Variants in NPSR1 observed in about 807,000 individuals in gnomAD.
The protein encoded by NPSR1 is neuropeptide S receptor 1, also known as neuropeptide S receptor.
A neutral mutation model predicts 46.9 loss-of-function variants in NPSR1; 48 were observed. The ratio of observed to expected loss-of-function variants is 1.02; its 90% CI spans 0.81 to 1.30. NPSR1 has a LOEUF of 1.30. NPSR1 is among the 50% of genes most tolerant of loss of function. The pLI, the probability that NPSR1 is intolerant of heterozygous loss-of-function variation, is 0.00. For synonymous variants in NPSR1, 176 were observed against 168.1 expected (o/e 1.05, Z -0.36); for missense variants, 450 against 449.5 (o/e 1.00, Z -0.01).
chr7:34,874,065 CCAGAGAAGTGAGTAAATTTCCCAACAAG>C (rs1791522305), intron 8 of NPSR1, among the ~76,000 whole-genome samples: 1 of 151,346 alleles, frequency 6.6e-6, no homozygotes, highest in Non-Finnish European at 1.5e-5. Context: ...AGACTGAGGC[CCAGAGAAGTGAGTAAATTTCCCAACAAG>C]CAGAAAGTTG....
chr7:34,739,795 C>T lies in NPSR1; in HGVS notation c.281-38667C>T, dbSNP rs547191938. 2.0e-4 allele frequency among the ~76,000 whole-genome samples: 31 copies of T among 152,284 alleles called. No homozygotes were observed. In the South Asian group the frequency reaches 6.4e-3, roughly 32 times the overall value. On this transcript the variant is annotated intron_variant, in intron 2 of 8. Transcript: ENST00000360581. Reference sequence around the variant, plus strand: ...TCTCAGCCATGGATACTAGCACCTGCTCTGGTGCAGGTGGCAGGGGGGTGA... The same window carrying T: ...TCTCAGCCATGGATACTAGCACCTGTTCTGGTGCAGGTGGCAGGGGGGTGA...
rs115254419 is a variant in NPSR1, at chr7:34,873,517, C to T, written c.1026-4559C>T. Among the ~76,000 whole-genome samples the T allele has an allele frequency of 5.8e-3, 877 of 151,812 alleles. 35 individuals carry two copies. The highest frequency in any genetic ancestry group is 0.02 in the African/African-American group (829 of 41,114). ...CCACCTCTGGGGAGGCCTCAGGGAG[C>T]TTACACCATGGTGAAAGGTGAAGGA... On this transcript the variant is annotated intron_variant, in intron 8 of 8. Transcript: ENST00000359791.
chr7:34,714,649 G>T (rs1783477239), intron 2 of NPSR1, among the ~76,000 whole-genome samples: 1 of 152,200 alleles, frequency 6.6e-6, no homozygotes, highest in Admixed American at 6.5e-5. Context: ...GAGCTGGACT[G>T]TGAGCTCCAA....
At chr7:34,692,321 A>C (rs1250754855) in intron 2 of NPSR1, among the ~76,000 whole-genome samples, 1 of 152,168 alleles carries the variant, frequency 6.6e-6, no homozygotes, top group East Asian at 1.9e-4. Context: ...ATTCTCAATA[A>C]ATTAAAAAAA....
At chr7:34,784,580 G>C (rs2128739909) in intron 3 of NPSR1, among the ~76,000 whole-genome samples, 1 of 152,228 alleles carries the variant, frequency 6.6e-6, no homozygotes, top group South Asian at 2.1e-4. Flanking sequence ...GCTGGATTCG[G>C]TTTGCCAGTA....
chr7:34,798,532 C>A (rs1356731284), intron 3 of NPSR1, among the ~76,000 whole-genome samples: 1 of 151,908 alleles, frequency 6.6e-6, no homozygotes, highest in Admixed American at 6.6e-5. Flanking sequence ...GAGACTCTGT[C>A]TAAGAAAAAG....
intron 3 of NPSR1, among the ~76,000 whole-genome samples, chr7:34,802,297 A>G (rs376694159): frequency 3.3e-5 from 5 of 150,252 alleles, no homozygotes; most frequent in Non-Finnish European, 5.9e-5. Flanking sequence ...GAGGCATCAC[A>G]CTACCTGACT....
At chr7:34,784,466 G>T (rs1323313163) in intron 3 of NPSR1, among the ~76,000 whole-genome samples, 1 of 151,520 alleles carries the variant, frequency 6.6e-6, no homozygotes, top group East Asian at 1.9e-4. Context: ...CTTTGGTTCT[G>T]TTTATATGCT....
At chr7:34,843,077 T>G (rs936295069) in intron 6 of NPSR1, among the ~76,000 whole-genome samples, 15 of 152,226 alleles carry the variant, frequency 9.9e-5, no homozygotes, top group African/African-American at 3.6e-4. Flanking sequence ...GTTCACTTGA[T>G]GCTCTCTGCA....
intron 4 of NPSR1, among the ~76,000 whole-genome samples, chr7:34,826,907 G>T (rs1191989188): frequency 6.9e-6 from 1 of 145,110 alleles, no homozygotes; most frequent in Admixed American, 6.8e-5. Context: ...AAAAAAGAAA[G>T]AAGTTTCCTT....
chr7:34,795,526 A>T (rs1206914130), intron 3 of NPSR1, among the ~76,000 whole-genome samples: 1 of 152,132 alleles, frequency 6.6e-6, no homozygotes. Flanking sequence ...ATTAACCAAA[A>T]AAACTCTCCC....
intron 2 of NPSR1, among the ~76,000 whole-genome samples, chr7:34,736,907 A>T (rs1362611951): frequency 6.6e-6 from 1 of 152,200 alleles, no homozygotes; most frequent in Non-Finnish European, 1.5e-5. Flanking sequence ...AAAAATTATC[A>T]TTAGAATTTT....
rs1583984900 is a variant in NPSR1 at position 34,770,836 on chromosome 7, A to G, written c.281-7626A>G. ...GGGAAGTCTAAGGTCCAGGTGCCAG[A>G]AAGTTCAGTGTCTGGTTAGGTCATT... is the stretch of plus-strand genomic sequence containing the variant. On this transcript the variant is annotated intron_variant, in intron 2 of 8. Transcript: ENST00000360581. 3.9e-5 allele frequency among the ~76,000 whole-genome samples: 6 copies of G among 152,298 alleles called. No homozygotes were observed. The South Asian group carries it at 1.0e-3, about 26-fold the overall frequency.
In NPSR1 at chr7:34,689,807, T is replaced by C. The variant is rs1464483295; in HGVS notation, c.280+5123T>C. 3.3e-5 allele frequency among the ~76,000 whole-genome samples: 5 copies of C among 151,344 alleles called. No homozygotes were observed. The East Asian group carries it at 9.7e-4, about 29-fold the overall frequency. ...AAAAATTTTTAAAATTAGCCAGGCATGGTGATGCACACCTGTAGTCCCAGT... is the reference window on the plus strand; with the variant it reads ...AAAAATTTTTAAAATTAGCCAGGCACGGTGATGCACACCTGTAGTCCCAGT... On this transcript the variant is annotated intron_variant, in intron 2 of 8. Coordinates refer to ENST00000360581, the MANE Select transcript of NPSR1 (RefSeq NM_207172.2).
downstream of NPSR1, among the ~76,000 whole-genome samples, chr7:34,853,979 A>C (rs1790997971): frequency 1.3e-5 from 2 of 151,406 alleles, no homozygotes; most frequent in Admixed American, 6.6e-5. Flanking sequence ...AAAAAAAAAA[A>C]CAAAAAACAA....
At position 34,789,490 on chromosome 7, in the gene NPSR1, G is replaced by A. The variant is rs141340799; in HGVS notation, c.384+10925G>A. Among the ~76,000 whole-genome samples the A allele has an allele frequency of 7.7e-4, 117 of 151,810 alleles. 1 individual carries two copies. In the East Asian group the frequency reaches 0.021, roughly 27 times the overall value. On this transcript the variant is annotated intron_variant, in intron 3 of 8. Coordinates refer to ENST00000360581, the MANE Select transcript of NPSR1 (RefSeq NM_207172.2). Reference sequence around the variant, plus strand: ...AGAAACAAAAAGCATCATAACAAGCGACTATGAAAAACTAAATGTCAGCCA... The same window carrying A: ...AGAAACAAAAAGCATCATAACAAGCAACTATGAAAAACTAAATGTCAGCCA...
At chr7:34,724,504 G>A (rs929015612) in intron 2 of NPSR1, among the ~76,000 whole-genome samples, 3 of 152,234 alleles carry the variant, frequency 2.0e-5, no homozygotes, top group African/African-American at 7.2e-5. Flanking sequence ...ACGACAGCCT[G>A]ATTCCTAGAT....
intron 3 of NPSR1, among the ~76,000 whole-genome samples, chr7:34,783,045 G>GA (rs1787302923): frequency 1.3e-5 from 2 of 151,974 alleles, no homozygotes; most frequent in African/African-American, 4.8e-5. Flanking sequence ...AAGAATTTGT[G>GA]AAGTGAAAAA....
intron 2 of NPSR1, among the ~76,000 whole-genome samples, chr7:34,739,282 T>C (rs1441758652): frequency 6.6e-6 from 1 of 152,258 alleles, no homozygotes; most frequent in Non-Finnish European, 1.5e-5. Flanking sequence ...GGTCATATGA[T>C]AATTCTATGT....
Sources: gnomAD v4.1 joint callset for allele counts (sites outside exome capture counted in the v4.1 genomes callset) on GRCh38, gnomAD v4.1.1 for gene constraint, MANE v1.5 for transcripts, NCBI Gene and HGNC (gene_info 2026-07-23, HGNC 2026-07-21) for gene names.